Variants in NVL observed in about 807,000 individuals in gnomAD.
NVL encodes nuclear valosin-containing protein-like.
Under a neutral mutation model 110.2 loss-of-function variants are expected in NVL, and 84 were observed. The observed-to-expected ratio is 0.76, with a 90% CI of 0.64 to 0.91. The LOEUF is 0.91. Among genes scored for constraint, NVL ranks in the 40% least tolerant of loss-of-function variants. The pLI, the probability that NVL is intolerant of heterozygous loss-of-function variation, is 0.00. For missense variants in NVL, 882 were observed against 1,035.9 expected (o/e 0.85, Z 2.04); for synonymous variants, 354 against 361.1 (o/e 0.98, Z 0.22).
intron 9 of NVL, among the ~76,000 whole-genome samples, chr1:224,303,502 T>TA (rs58860166): frequency 0.074 from 10,798 of 146,828 alleles, 1,187 homozygotes; most frequent in African/African-American, 0.24. Context: ...TTACATACAT[T>TA]AAAAAAAAAA....
chr1:224,243,129 G>C (rs1661393698), intron 19 of NVL, among the ~76,000 whole-genome samples: 2 of 151,830 alleles, frequency 1.3e-5, no homozygotes, highest in Admixed American at 1.3e-4. Context: ...TCCAGCTTCT[G>C]CATGAAGCAA....
intron 20 of NVL, among the ~76,000 whole-genome samples, chr1:224,236,225 G>A (rs998879196): frequency 7.9e-5 from 12 of 152,148 alleles, no homozygotes; most frequent in African/African-American, 2.9e-4. Context: ...AAATGCTGAC[G>A]CACCAGTACA....
intron 18 of NVL, among the ~76,000 whole-genome samples, chr1:224,253,563 T>C (rs561893831): frequency 6.6e-6 from 1 of 150,850 alleles, no homozygotes; most frequent in African/African-American, 2.4e-5. Flanking sequence ...TGAAACCCCG[T>C]CTCTACTAAA....
chr1:224,229,237 G>A (rs898757891), intron 22 of NVL, among the ~76,000 whole-genome samples: 6 of 151,692 alleles, frequency 4.0e-5, no homozygotes, highest in Non-Finnish European at 7.4e-5. Context: ...CAGAGGTTGT[G>A]GTGAGCTGCG....
At chr1:224,257,258 A>C (rs1424089793) in intron 18 of NVL, 1 of 395,294 alleles carries the variant, frequency 2.5e-6, no homozygotes, top group Non-Finnish European at 5.0e-6. Flanking sequence ...TCTGTTGATA[A>C]GCAGCACCTA....
chr1:224,277,853 A>G (rs1193188337), intron 16 of NVL, among the ~76,000 whole-genome samples: 1 of 152,178 alleles, frequency 6.6e-6, no homozygotes, highest in Non-Finnish European at 1.5e-5. Context: ...ACAAGGTTGA[A>G]AAACTCATCT....
intron 19 of NVL, among the ~76,000 whole-genome samples, chr1:224,245,541 T>G (rs1403898139): frequency 6.6e-6 from 1 of 152,140 alleles, no homozygotes; most frequent in African/African-American, 2.4e-5. Context: ...TAGGACACAG[T>G]CAGAATTGGA....
chr1:224,314,875 G>C (rs965922349), intron 4 of NVL, among the ~76,000 whole-genome samples: 1 of 151,972 alleles, frequency 6.6e-6, no homozygotes. Flanking sequence ...GCCGGGCATG[G>C]TGGCATGTGC....
chr1:224,318,707 G>C (rs1278686541), intron 2 of NVL, among the ~76,000 whole-genome samples: 3 of 151,972 alleles, frequency 2.0e-5, no homozygotes, highest in Non-Finnish European at 2.9e-5. Flanking sequence ...TCTGCAGCCA[G>C]GTGCGGTGGC....
intron 1 of NVL, among the ~76,000 whole-genome samples, 164 bp downstream of exon 1, chr1:224,329,907 G>A (rs964540545): frequency 6.6e-6 from 1 of 152,156 alleles, no homozygotes. Context: ...GGGTAGGGAA[G>A]GCCCCGGCAG....
chr1:224,247,055 CAAAA>C (rs57687356), intron 19 of NVL, among the ~76,000 whole-genome samples: 2 of 93,516 alleles, frequency 2.1e-5, no homozygotes, highest in African/African-American at 4.5e-5. Flanking sequence ...CATACTGTGT[CAAAA>C]AAAAAAAAAA....
At position 224,227,640 on chromosome 1, in the gene NVL, A is replaced by G. The variant is rs41271483; in HGVS notation, c.2557T>C (p.Ser853Pro). 23,709 of 1,610,870 alleles carry G rather than the reference A, an allele frequency of 0.015. 226 individuals carry two copies. The highest frequency in any genetic ancestry group is 0.016 in the Non-Finnish European group (19,026 of 1,178,114). The change falls in exon 23 of 23, where the codon TCC (serine) becomes CCC (proline). Residue 853 changes from serine (S) to proline (P), a missense_variant. Around this residue, in one of 4 missense-constraint regions of NVL, gnomAD observed 126 missense variants for 140.7 expected, o/e 0.90. Coordinates refer to ENST00000281701, the MANE Select transcript of NVL (RefSeq NM_002533.4). ...TGCTGGAGACATCACCGGCTGAGGG[A>G]CTCCTGCAAACGTTCATACATGATT... The part of the protein sequence containing the change: ...DQIMYERLQE[S>P]LSR
chr1:224,308,072 G>A lies in NVL; in HGVS notation c.534C>T (p.Thr178=), dbSNP rs1669112680. ...DSEGGWFIDK[T]PSVKKDSFFL... is the part of the protein sequence containing the mutation. ...AAAAACTGTCTTTCTTTACACTTGG[G>A]GTTTTGTCAATAAACCATCCTCCTT... The change falls in exon 6 of 23, where the codon ACC becomes ACT. Residue 178 remains threonine (T), a synonymous_variant. Transcript: ENST00000281701. 1 of 1,607,290 alleles carries A rather than the reference G, an allele frequency of 6.2e-7. No individual in the cohort carries two copies. The highest frequency in any genetic ancestry group is 8.5e-7 in the Non-Finnish European group (1 of 1,177,770).
At chr1:224,269,924 C>T (rs1042622298) in intron 17 of NVL, 1 of 117,768 alleles carries the variant, frequency 8.5e-6, no homozygotes, top group African/African-American at 3.3e-5. Flanking sequence ...TAATTTTTCT[C>T]TCTTTTTCTT....
At chr1:224,234,158 G>A (rs1324000401) in intron 20 of NVL, among the ~76,000 whole-genome samples, 3 of 42,180 alleles carry the variant, frequency 7.1e-5, no homozygotes, top group African/African-American at 1.2e-4. Context: ...CTTAAAATAT[G>A]ACAAATACAA....
chr1:224,227,600 C>T lies in NVL; in HGVS notation c.*26G>A. Reference sequence around the variant, plus strand: ...ATTCTCTGCCGGCTTGATGGGCTAGCTCCTCTAAGCCGGCTGCTGGAGACA... The same window carrying T: ...ATTCTCTGCCGGCTTGATGGGCTAGTTCCTCTAAGCCGGCTGCTGGAGACA... On this transcript the variant is annotated 3_prime_UTR_variant, in exon 23 of 23. Coordinates refer to ENST00000281701, the MANE Select transcript of NVL (RefSeq NM_002533.4). 6.2e-7 allele frequency: 1 copy of T among 1,601,236 alleles called. No homozygotes were observed. The highest frequency in any genetic ancestry group is 8.5e-7 in the Non-Finnish European group (1 of 1,171,278).
At chr1:224,255,022 C>G (rs1663026909) in intron 18 of NVL, among the ~76,000 whole-genome samples, 1 of 150,778 alleles carries the variant, frequency 6.6e-6, no homozygotes, top group Non-Finnish European at 1.5e-5. Context: ...CAGGCATGCA[C>G]CACCACACTC....
intron 11 of NVL, 86 bp from the exon 12 acceptor site, chr1:224,294,497 T>C (rs1667690465): frequency 1.4e-6 from 2 of 1,423,956 alleles, no homozygotes; most frequent in East Asian, 2.3e-5. Context: ...TGGTTAAAGA[T>C]AAAGTATTAC....
intron 19 of NVL, among the ~76,000 whole-genome samples, chr1:224,244,182 A>G (rs1017142588): frequency 1.1e-4 from 17 of 151,256 alleles, no homozygotes; most frequent in African/African-American, 4.1e-4. Context: ...AGCCTGGCCA[A>G]CATGGAAAAA....
Sources: gnomAD v4.1 joint callset for allele counts (sites outside exome capture counted in the v4.1 genomes callset) on GRCh38, gnomAD v4.1.1 for gene constraint, gnomAD v4.1.1 regional missense constraint, MANE v1.5 for transcripts, NCBI Gene and HGNC (gene_info 2026-07-23, HGNC 2026-07-21) for gene names.